The following DLGAP1 variants were observed in gnomAD, a reference collection of about 807,000 sequenced individuals.
DLGAP1 encodes disks large-associated protein 1.
A neutral mutation model predicts 90.8 loss-of-function variants in DLGAP1; 11 were observed. The observed-to-expected ratio is 0.12, with a 90% CI of 0.08 to 0.20. The LOEUF (loss-of-function observed/expected upper bound fraction) is 0.20, where lower values mean the gene tolerates loss of function less well. Among genes scored for constraint, DLGAP1 ranks in the 10% least tolerant of loss-of-function variants. The probability of loss-of-function intolerance (pLI) is 1.00; values close to 1 mark genes in which losing one functional copy is unlikely to be tolerated. For missense variants in DLGAP1, 1,050 were observed against 1,333.8 expected, an observed-to-expected ratio of 0.79 and a Z score of 3.31; for synonymous variants, 558 against 540.7, an observed-to-expected ratio of 1.03 and a Z score of -0.44.
chr18:4,356,450 C>T (rs79405534), intron 1 of DLGAP1, among the ~76,000 whole-genome samples: 4,007 of 152,186 alleles, frequency 0.026, 180 homozygotes, highest in African/African-American at 0.092. Flanking sequence ...TGCCCATCCC[C>T]GTTTTTTCCT....
At chr18:3,503,476 G>A (rs12456279) in intron 11 of DLGAP1, among the ~76,000 whole-genome samples, 62,644 of 151,958 alleles carry the variant, frequency 0.41, 13,645 homozygotes, top group East Asian at 0.67. Context: ...ACAGCTAGGA[G>A]ACTGAAAATA....
rs117209403 is a variant in DLGAP1, at chr18:3,731,368, T to C, written c.1351-1993A>G. ...TTTGTATAAAACTTGAATCATATAG[T>C]AAATATAATTCTGCAACTTGTTGGT... is the stretch of plus-strand genomic sequence containing the variant. On this transcript the variant is annotated intron_variant, in intron 6 of 12. Coordinates refer to ENST00000315677, the MANE Select transcript of DLGAP1 (RefSeq NM_004746.4). Among the ~76,000 whole-genome samples the C allele has an allele frequency of 8.7e-3, 1,324 of 152,308 alleles. 12 individuals are homozygous for C. Among genetic ancestry groups the C allele is most frequent in the Non-Finnish European group, 0.014 (940 of 68,028 alleles).
At chr18:4,188,087 A>G (rs889505772) in intron 1 of DLGAP1, among the ~76,000 whole-genome samples, 3 of 152,102 alleles carry the variant, frequency 2.0e-5, no homozygotes, top group African/African-American at 7.2e-5. Context: ...TTTAAATCAA[A>G]AGGACATTGG....
chr18:3,620,944 A>T (rs2058074622), intron 7 of DLGAP1, among the ~76,000 whole-genome samples: 1 of 152,166 alleles, frequency 6.6e-6, no homozygotes, highest in Non-Finnish European at 1.5e-5. Flanking sequence ...TGGTTCCCAG[A>T]GGTTGGTCTC....
At chr18:3,833,923 T>C (rs182916356) in intron 4 of DLGAP1, among the ~76,000 whole-genome samples, 86 of 152,348 alleles carry the variant, frequency 5.6e-4, no homozygotes, top group African/African-American at 2.0e-3. Context: ...AATCCATTTC[T>C]AAAGAAGTTG....
chr18:3,794,315 A>T (rs2148258539), intron 5 of DLGAP1, among the ~76,000 whole-genome samples: 1 of 152,352 alleles, frequency 6.6e-6, no homozygotes, highest in South Asian at 2.1e-4. Context: ...AGGACAGAAC[A>T]TATACAGAAG....
chr18:3,704,150 G>A (rs2061365027), intron 7 of DLGAP1, among the ~76,000 whole-genome samples: 2 of 152,220 alleles, frequency 1.3e-5, no homozygotes, highest in East Asian at 3.8e-4. Context: ...GATGCTCTGC[G>A]GGGCCCACGG....
chr18:4,049,828 A>G (rs1568369223), intron 2 of DLGAP1, among the ~76,000 whole-genome samples: 1 of 151,786 alleles, frequency 6.6e-6, no homozygotes, highest in Admixed American at 6.6e-5. Flanking sequence ...CCATCCATCC[A>G]TCCATCCGCT....
chr18:3,837,909 T>A (rs1267507028), intron 4 of DLGAP1, among the ~76,000 whole-genome samples: 1 of 135,908 alleles, frequency 7.4e-6, no homozygotes, highest in Non-Finnish European at 1.6e-5. Context: ...ATGCAAATTG[T>A]ACACATTTCT....
At chr18:3,642,602 C>CT (rs1198023634) in intron 7 of DLGAP1, among the ~76,000 whole-genome samples, 2 of 152,130 alleles carry the variant, frequency 1.3e-5, no homozygotes, top group Non-Finnish European at 1.5e-5. Flanking sequence ...TTTTCCATGC[C>CT]TTTTTTGGTT....
intron 7 of DLGAP1, among the ~76,000 whole-genome samples, chr18:3,605,789 C>G (rs565569892): frequency 1.3e-5 from 2 of 151,084 alleles, no homozygotes; most frequent in Admixed American, 1.3e-4. Context: ...GGTTAAGTGA[C>G]TTTTCCAAGG....
intron 1 of DLGAP1, among the ~76,000 whole-genome samples, chr18:4,245,560 A>G (rs1163916011): frequency 6.6e-6 from 1 of 152,202 alleles, no homozygotes; most frequent in Non-Finnish European, 1.5e-5. Context: ...ATTTTTTATA[A>G]GCAATAGCCC....
intron 1 of DLGAP1, among the ~76,000 whole-genome samples, chr18:4,156,210 A>T (rs1175758207): frequency 6.6e-6 from 1 of 152,222 alleles, no homozygotes; most frequent in Admixed American, 6.5e-5. Context: ...ATCAGTGCCA[A>T]CTGGACTTGC....
intron 2 of DLGAP1, among the ~76,000 whole-genome samples, chr18:4,088,915 C>T (rs1307744168): frequency 2.6e-5 from 4 of 152,190 alleles, no homozygotes; most frequent in Non-Finnish European, 5.9e-5. Flanking sequence ...CCTCTCTCAC[C>T]ACTCCTATTC....
chr18:4,437,102 G>A (rs905230864), intron 1 of DLGAP1, among the ~76,000 whole-genome samples: 3 of 152,176 alleles, frequency 2.0e-5, no homozygotes, highest in African/African-American at 7.2e-5. Context: ...ATCCAATAAA[G>A]TTTCTGAGGA....
At chr18:4,088,760 T>TA (rs928246268) in intron 2 of DLGAP1, among the ~76,000 whole-genome samples, 8 of 152,202 alleles carry the variant, frequency 5.3e-5, no homozygotes, top group East Asian at 1.9e-4. Context: ...TCCTTCATGT[T>TA]AAAAAAACTC....
intron 3 of DLGAP1, among the ~76,000 whole-genome samples, chr18:3,985,836 G>A (rs1235343233): frequency 6.6e-6 from 1 of 152,024 alleles, no homozygotes. Context: ...TCATTTTAAG[G>A]CATACACTTA....
At chr18:3,505,434 C>T (rs1253178007) in intron 11 of DLGAP1, among the ~76,000 whole-genome samples, 3 of 151,714 alleles carry the variant, frequency 2.0e-5, no homozygotes, top group Middle Eastern at 3.4e-3. Context: ...GTCAGGAGTT[C>T]GAGACCAGCC....
At chr18:4,196,129 AG>A (rs2077493391) in intron 1 of DLGAP1, among the ~76,000 whole-genome samples, 1 of 152,170 alleles carries the variant, frequency 6.6e-6, no homozygotes, top group South Asian at 2.1e-4. Context: ...GAGCATCAAA[AG>A]TCCATCTAGG....
Sources: allele counts gnomAD v4.1 joint callset (sites outside exome capture counted in the v4.1 genomes callset), GRCh38; gene constraint gnomAD v4.1.1; transcripts MANE v1.5; gene names NCBI Gene and HGNC (gene_info 2026-07-23, HGNC 2026-07-21).